AGBL1: variants seen among roughly 807,000 people sequenced by gnomAD.
AGBL1 encodes AGBL carboxypeptidase 1, also known as cytosolic carboxypeptidase 4.
A neutral mutation model predicts 118.9 loss-of-function variants in AGBL1; 130 were observed. The observed-to-expected ratio is 1.09, with a 90% CI of 0.95 to 1.26. AGBL1 has a LOEUF of 1.26. Ranked by LOEUF, AGBL1 falls within the 50% of genes most tolerant of loss-of-function variation. AGBL1 has a pLI of 0.00. For synonymous variants in AGBL1, 555 were observed against 478.9 expected, an observed-to-expected ratio of 1.16 and a Z score of -2.08; for missense variants, 1,584 against 1,298.1, an observed-to-expected ratio of 1.22 and a Z score of -3.38.
intron 22 of AGBL1, among the ~76,000 whole-genome samples, chr15:86,676,100 A>G (rs1330066595): frequency 6.6e-6 from 1 of 152,190 alleles, no homozygotes; most frequent in Non-Finnish European, 1.5e-5. Flanking sequence ...GATTGAAGCT[A>G]GAGGTCCTCC....
chr15:86,278,201 G>C (rs2079288212), intron 15 of AGBL1, among the ~76,000 whole-genome samples: 1 of 152,196 alleles, frequency 6.6e-6, no homozygotes, highest in African/African-American at 2.4e-5. Context: ...CACCATGTGG[G>C]AAGACACTAT....
intron 22 of AGBL1, among the ~76,000 whole-genome samples, chr15:86,845,963 T>G (rs1271038401): frequency 6.6e-6 from 1 of 152,170 alleles, no homozygotes; most frequent in Non-Finnish European, 1.5e-5. Flanking sequence ...CCTTCTTCCC[T>G]CTTGAAAGAA....
chr15:86,202,879 A>G (rs1472002287), intron 5 of AGBL1, among the ~76,000 whole-genome samples: 1 of 152,068 alleles, frequency 6.6e-6, no homozygotes, highest in Non-Finnish European at 1.5e-5. Flanking sequence ...GGAGGGGTTT[A>G]AGATTGCATA....
chr15:86,701,784 C>T (rs1032999549), intron 22 of AGBL1, among the ~76,000 whole-genome samples: 1 of 149,594 alleles, frequency 6.7e-6, no homozygotes, highest in Non-Finnish European at 1.5e-5. Context: ...CCTCTCCCCT[C>T]CCCACTCCTT....
intron 23 of AGBL1, among the ~76,000 whole-genome samples, chr15:86,937,883 A>G (rs1357970384): frequency 1.3e-5 from 2 of 152,242 alleles, no homozygotes; most frequent in African/African-American, 4.8e-5. Context: ...AGCAGGCTCA[A>G]TCCTTCTACA....
At chr15:86,248,265 C>T (rs1468741843) in intron 7 of AGBL1, among the ~76,000 whole-genome samples, 4 of 152,112 alleles carry the variant, frequency 2.6e-5, no homozygotes, top group Admixed American at 1.3e-4. Flanking sequence ...TGCAGTGAGC[C>T]GAGATCGCAC....
chr15:86,716,519 A>T (rs2086640962), intron 22 of AGBL1, among the ~76,000 whole-genome samples: 1 of 152,190 alleles, frequency 6.6e-6, no homozygotes, highest in Non-Finnish European at 1.5e-5. Flanking sequence ...AGCTTGGAAG[A>T]TCCCAGCAAG....
chr15:86,252,589 A>G (rs1326000646), intron 7 of AGBL1, among the ~76,000 whole-genome samples: 1 of 152,176 alleles, frequency 6.6e-6, no homozygotes, highest in Non-Finnish European at 1.5e-5. Flanking sequence ...ACTTTGTGTA[A>G]CCATGCAGAG....
intron 5 of AGBL1, among the ~76,000 whole-genome samples, chr15:86,174,578 C>G (rs2077457129): frequency 6.6e-6 from 1 of 152,030 alleles, no homozygotes; most frequent in African/African-American, 2.4e-5. Context: ...ATGATACTAG[C>G]TGGGTTTGTC....
At chr15:86,959,098 C>A (rs1364935071) in intron 23 of AGBL1, among the ~76,000 whole-genome samples, 1 of 152,108 alleles carries the variant, frequency 6.6e-6, no homozygotes, top group East Asian at 1.9e-4. Context: ...TGTGAGATTT[C>A]AGTTACAGAT....
At chr15:86,805,278 A>G (rs1487553930) in intron 22 of AGBL1, among the ~76,000 whole-genome samples, 1 of 151,998 alleles carries the variant, frequency 6.6e-6, no homozygotes, top group East Asian at 1.9e-4. Flanking sequence ...GTTTTTTATT[A>G]ACACACATAT....
At position 86,625,364 on chromosome 15, in the gene AGBL1, C is replaced by CCTTTTTTTTTTTTTTTTTTTTT. The variant is rs1429206623; in HGVS notation, c.2995-48909_2995-48908insCTTTTTTTTTTTTTTTTTTTTT. On this transcript the variant is annotated intron_variant, in intron 21 of 22. Coordinates refer to ENST00000614907, the MANE Select transcript of AGBL1 (RefSeq NM_001386094.1). ...CAGCCTCCAAGGTAGAAGAAATTAG[C>CCTTTTTTTTTTTTTTTTTTTTT]GTTTTTTTTTTTTTGTTTTTGTTTT... 1.0e-4 allele frequency among the ~76,000 whole-genome samples: 7 copies of CCTTTTTTTTTTTTTTTTTTTTT among 68,260 alleles called. 3 individuals are homozygous for CCTTTTTTTTTTTTTTTTTTTTT. Among genetic ancestry groups the CCTTTTTTTTTTTTTTTTTTTTT allele is most frequent in the African/African-American group, 1.5e-4 (3 of 20,010 alleles). 44.8% of individuals were successfully genotyped at this position (68,260 alleles called of 152,430 possible). A position where few individuals can be genotyped will look rare whatever the true frequency, so the allele number is the denominator to read the frequency against.
rs562240961 is a variant in AGBL1, at chr15:86,705,429, A to G, written c.3158+30993A>G. 3.6e-4 allele frequency among the ~76,000 whole-genome samples: 55 copies of G among 152,310 alleles called. No individual in the cohort carries two copies. In the South Asian group the frequency reaches 0.011, roughly 31 times the overall value. On this transcript the variant is annotated intron_variant, in intron 22 of 22. Transcript: ENST00000614907. The stretch of plus-strand genomic sequence containing the variant: ...GTTTCCTCACTTGGACAAGCATAAC[A>G]AATAATTTCAAACTCATAGAGTTAT...
chr15:86,878,510 T>C lies in AGBL1; in HGVS notation c.3159-28577T>C, dbSNP rs116454904. ...CTTCTTGTTCATGGCCCAGTGCGGG[T>C]GCTCCTCGGTACTTCTATTTTCCTC... On this transcript the variant is annotated intron_variant, in intron 22 of 22. Transcript: ENST00000614907. 4.1e-3 allele frequency among the ~76,000 whole-genome samples: 621 copies of C among 152,278 alleles called. 5 individuals carry two copies. The highest frequency in any genetic ancestry group is 0.014 in the African/African-American group (588 of 41,548).
At chr15:86,782,860 G>T (rs181735556) in intron 22 of AGBL1, among the ~76,000 whole-genome samples, 101 of 152,240 alleles carry the variant, frequency 6.6e-4, no homozygotes, top group African/African-American at 2.2e-3. Context: ...AAAGACAGTG[G>T]GGCCATTTTT....
intron 1 of AGBL1, among the ~76,000 whole-genome samples, chr15:86,114,353 TC>T (rs2141555034): frequency 6.6e-6 from 1 of 152,322 alleles, no homozygotes; most frequent in African/African-American, 2.4e-5. Flanking sequence ...AGGTGTCACT[TC>T]CAACTGAACT....
At chr15:86,509,946 AT>A (rs71144048) in intron 18 of AGBL1, among the ~76,000 whole-genome samples, 14,334 of 142,792 alleles carry the variant, frequency 0.1, 846 homozygotes, top group African/African-American at 0.16. Flanking sequence ...GCTGAAGCTC[AT>A]TTTTTTTTTT....
intron 19 of AGBL1, among the ~76,000 whole-genome samples, chr15:86,527,520 G>A (rs2083282985): frequency 6.6e-6 from 1 of 152,258 alleles, no homozygotes; most frequent in Admixed American, 6.5e-5. Context: ...AGTTACCTAG[G>A]AGGCTATATT....
chr15:86,987,242 G>A (rs1705621689), intron 23 of AGBL1, among the ~76,000 whole-genome samples: 1 of 152,094 alleles, frequency 6.6e-6, no homozygotes, highest in Non-Finnish European at 1.5e-5. Flanking sequence ...GCTTAGCTTG[G>A]GCTCAGAGGC....
Sources: gnomAD v4.1 joint callset for allele counts (sites outside exome capture counted in the v4.1 genomes callset) on GRCh38, gnomAD v4.1.1 for gene constraint, MANE v1.5 for transcripts, NCBI Gene and HGNC (gene_info 2026-07-23, HGNC 2026-07-21) for gene names.